Variants in FSTL4 observed in about 807,000 individuals in gnomAD.
The protein encoded by FSTL4 is follistatin like 4, also known as follistatin-related protein 4.
A neutral mutation model predicts 78.2 loss-of-function variants in FSTL4; 28 were observed. That is an observed-to-expected ratio of 0.36 (90% CI 0.27 to 0.49). The LOEUF (loss-of-function observed/expected upper bound fraction) is 0.49, where lower values mean the gene tolerates loss of function less well. Ranked by LOEUF, FSTL4 falls within the 20% of genes least tolerant of loss-of-function variation. The probability of loss-of-function intolerance (pLI) is 0.98; values close to 1 mark genes in which losing one functional copy is unlikely to be tolerated. For missense variants in FSTL4, 922 were observed against 1,084.9 expected (o/e 0.85, Z 2.11); for synonymous variants, 422 against 440.5 (o/e 0.96, Z 0.53).
At chr5:133,661,082 C>T in the FSTL4 span, among the ~76,000 whole-genome samples, 7 of 152,218 alleles carry the variant, frequency 4.6e-5, no homozygotes, top group Non-Finnish European at 8.8e-5. Context: ...CCTCTGCCTC[C>T]TGGGTTCAAG....
chr5:133,207,349 A>G (rs1750551827), intron 14 of FSTL4, among the ~76,000 whole-genome samples: 1 of 152,184 alleles, frequency 6.6e-6, no homozygotes, highest in African/African-American at 2.4e-5. Context: ...ACATTGCCTG[A>G]CGCTACCATG....
chr5:133,282,412 T>A (rs1021348541), intron 6 of FSTL4, among the ~76,000 whole-genome samples: 10 of 152,188 alleles, frequency 6.6e-5, no homozygotes, highest in Admixed American at 2.0e-4. Context: ...AAGCCACCAG[T>A]TCTGGTTTCT....
intron 3 of FSTL4, among the ~76,000 whole-genome samples, chr5:133,486,937 C>A (rs1285154881): frequency 1.3e-5 from 2 of 152,140 alleles, no homozygotes; most frequent in Non-Finnish European, 2.9e-5. Context: ...GGGGAGAATC[C>A]GGGTCCCACC....
At chr5:133,449,964 A>G (rs895848494) in intron 3 of FSTL4, among the ~76,000 whole-genome samples, 1 of 152,212 alleles carries the variant, frequency 6.6e-6, no homozygotes, top group African/African-American at 2.4e-5. Flanking sequence ...GTTGTCTAGC[A>G]GAAGTTACAA....
chr5:133,200,844 T>A (rs888005734), intron 15 of FSTL4, among the ~76,000 whole-genome samples: 2 of 152,174 alleles, frequency 1.3e-5, no homozygotes, highest in Non-Finnish European at 2.9e-5. Context: ...CTTTAAAGCA[T>A]CCTTAAAGAA....
At chr5:133,464,525 G>A (rs1330356487) in intron 3 of FSTL4, among the ~76,000 whole-genome samples, 1 of 152,172 alleles carries the variant, frequency 6.6e-6, no homozygotes, top group Admixed American at 6.5e-5. Flanking sequence ...CAGAGGGGCC[G>A]GCCTCGTGGG....
chr5:133,554,976 A>G (rs763300054), intron 3 of FSTL4, among the ~76,000 whole-genome samples: 3 of 152,214 alleles, frequency 2.0e-5, no homozygotes, highest in Admixed American at 6.5e-5. Context: ...CTGCAGAATC[A>G]TCTGTCTAGG....
At chr5:133,245,676 A>C (rs1213284247) in intron 7 of FSTL4, among the ~76,000 whole-genome samples, 1 of 152,174 alleles carries the variant, frequency 6.6e-6, no homozygotes, top group Non-Finnish European at 1.5e-5. Flanking sequence ...GGCACTTAGC[A>C]AGTGAGTCAA....
chr5:133,696,540 G>A, the FSTL4 span, among the ~76,000 whole-genome samples: 2 of 152,230 alleles, frequency 1.3e-5, no homozygotes, highest in African/African-American at 2.4e-5. Context: ...TTAATGAGTC[G>A]TGTCTCTCTC....
Position 133,338,009 on chromosome 5 carries a change from T to G in FSTL4, c.410-21357A>C, listed in dbSNP as rs901843694. 3.3e-5 allele frequency among the ~76,000 whole-genome samples: 5 copies of G among 152,168 alleles called. No individual in the cohort carries two copies. The highest frequency in any genetic ancestry group is 1.9e-4 in the East Asian group (1 of 5,188). The stretch of plus-strand genomic sequence containing the variant: ...GATGAGGGGGTTTGGGTGGTGAGTA[T>G]GCGTGCGGAGGGCTTCTGGCAGGAG... On this transcript the variant is annotated intron_variant, in intron 4 of 15. Transcript: ENST00000265342. The surrounding 1 kb of genome is among the most constrained non-coding windows in gnomAD (Gnocchi z 4.0).
At chr5:133,347,181 T>A (rs1201414621) in intron 4 of FSTL4, among the ~76,000 whole-genome samples, 2 of 152,170 alleles carry the variant, frequency 1.3e-5, no homozygotes, top group Admixed American at 1.3e-4. Flanking sequence ...GTGCAGGCAG[T>A]AGACACCGGT....
At chr5:133,248,616 T>C (rs554241044) in intron 7 of FSTL4, 55 of 152,314 alleles carry the variant, frequency 3.6e-4, no homozygotes, top group African/African-American at 1.3e-3. Flanking sequence ...TCTTATAGAT[T>C]AATTCATTGA....
At chr5:133,317,091 A>G (rs1390169682) in intron 4 of FSTL4, among the ~76,000 whole-genome samples, 1 of 152,088 alleles carries the variant, frequency 6.6e-6, no homozygotes, top group African/African-American at 2.4e-5. Context: ...GGCCTCCTAG[A>G]TTAGGGAGTT....
intron 3 of FSTL4, among the ~76,000 whole-genome samples, chr5:133,451,676 A>G (rs1270291985): frequency 1.3e-5 from 2 of 152,214 alleles, no homozygotes; most frequent in East Asian, 3.9e-4. Flanking sequence ...GGGCTAAGCC[A>G]GGGTCCGTGG....
chr5:133,343,715 T>C (rs1754637474), intron 4 of FSTL4, among the ~76,000 whole-genome samples: 2 of 152,246 alleles, frequency 1.3e-5, no homozygotes, highest in South Asian at 4.1e-4. Context: ...ACTGGGTTTC[T>C]GTTTACTCTG....
intron 6 of FSTL4, among the ~76,000 whole-genome samples, chr5:133,300,799 G>A (rs1753517597): frequency 6.6e-6 from 1 of 152,138 alleles, no homozygotes; most frequent in African/African-American, 2.4e-5. Flanking sequence ...ATTTATTTGT[G>A]GGAGCTGAGA....
Position 133,491,566 on chromosome 5 carries a change from A to T in FSTL4, c.160+75620T>A, listed in dbSNP as rs560732398. Among the ~76,000 whole-genome samples, 6 of 151,150 alleles carry T rather than the reference A, an allele frequency of 4.0e-5. No individual in the cohort carries two copies. The East Asian group carries it at 1.2e-3, about 29-fold the overall frequency. ...AGGCGCCCGCCACCACGCCTGGCTA[A>T]TTTTTTTGTATTTTTTTAGTAGAGA... On this transcript the variant is annotated intron_variant, in intron 3 of 15. Coordinates refer to ENST00000265342, the MANE Select transcript of FSTL4 (RefSeq NM_015082.2).
rs190981986 is a variant in FSTL4 at position 133,570,122 on chromosome 5, T to A, written c.127-2903A>T. On this transcript the variant is annotated intron_variant, in intron 2 of 15. Coordinates refer to ENST00000265342, the MANE Select transcript of FSTL4 (RefSeq NM_015082.2). ...TACTCGGGAGTCTGAGGCTGGAGAATGGACTGAACCCGGGAGGTGGAGCTT... is the reference window on the plus strand; with the variant it reads ...TACTCGGGAGTCTGAGGCTGGAGAAAGGACTGAACCCGGGAGGTGGAGCTT... Among the ~76,000 whole-genome samples the A allele has an allele frequency of 1.8e-3, 279 of 150,910 alleles. 1 individual carries two copies. The highest frequency in any genetic ancestry group is 0.014 in the Middle Eastern group (4 of 294).
chr5:133,780,323 T>TG, the FSTL4 span, among the ~76,000 whole-genome samples: 1 of 152,160 alleles, frequency 6.6e-6, no homozygotes, highest in Non-Finnish European at 1.5e-5. Context: ...CCCATCTCCT[T>TG]GCATGACTCA....
Sources: gnomAD v4.1 joint callset for allele counts (sites outside exome capture counted in the v4.1 genomes callset) on GRCh38, gnomAD v4.1.1 for gene constraint, Gnocchi (gnomAD v3.1) non-coding constraint, MANE v1.5 for transcripts, NCBI Gene and HGNC (gene_info 2026-07-23, HGNC 2026-07-21) for gene names.